Variants in NCK2 observed in about 807,000 individuals in gnomAD.
The protein encoded by NCK2 is NCK adaptor protein 2.
NCK2 carries 16 observed loss-of-function variants against 33.9 expected under a neutral mutation model. That is an observed-to-expected ratio of 0.47 (90% CI 0.32 to 0.72). NCK2 has a LOEUF of 0.72. Ranked by LOEUF, NCK2 falls within the 30% of genes least tolerant of loss-of-function variation. The probability of loss-of-function intolerance (pLI) is 0.03; values close to 1 mark genes in which losing one functional copy is unlikely to be tolerated. For synonymous variants in NCK2, 273 were observed against 239.9 expected (o/e 1.14, Z -1.27); for missense variants, 418 against 537.3 (o/e 0.78, Z 2.19).
chr2:105,885,386 A>G (rs1040466974), intron 4 of NCK2, among the ~76,000 whole-genome samples: 46 of 152,222 alleles, frequency 3.0e-4, no homozygotes, highest in African/African-American at 1.1e-3. Context: ...TTTAAAATAT[A>G]TGAAAAGTAT....
chr2:105,814,543 G>A (rs1191817454), intron 1 of NCK2, among the ~76,000 whole-genome samples: 1 of 152,138 alleles, frequency 6.6e-6, no homozygotes, highest in Non-Finnish European at 1.5e-5. Context: ...TCTTTTGCGG[G>A]GTCTGGTAGA....
At chr2:105,876,102 T>C (rs748832890) in intron 3 of NCK2, among the ~76,000 whole-genome samples, 7 of 152,168 alleles carry the variant, frequency 4.6e-5, no homozygotes, top group Non-Finnish European at 7.3e-5. Context: ...TGCCAGCCAT[T>C]GGAAGGGTTT....
chr2:105,807,665 G>GT (rs1278979047), intron 1 of NCK2, among the ~76,000 whole-genome samples: 2 of 150,928 alleles, frequency 1.3e-5, no homozygotes, highest in East Asian at 3.9e-4. Context: ...CAAGGTAGTT[G>GT]TTTTTTTCAA....
intron 4 of NCK2, among the ~76,000 whole-genome samples, chr2:105,888,717 A>T (rs1276742540): frequency 6.6e-6 from 1 of 152,190 alleles, no homozygotes; most frequent in East Asian, 1.9e-4. Context: ...CGAGATGGGC[A>T]TTGTGGCTGC....
At chr2:105,881,132 T>G (rs1014551954) in intron 3 of NCK2, among the ~76,000 whole-genome samples, 196 bp from the exon 4 acceptor site, 3 of 152,250 alleles carry the variant, frequency 2.0e-5, no homozygotes, top group Admixed American at 2.0e-4. Context: ...TTCTCAACTT[T>G]AAGTAACTTC....
At chr2:105,766,593 G>A (rs1217129107) in intron 1 of NCK2, among the ~76,000 whole-genome samples, 5 of 152,202 alleles carry the variant, frequency 3.3e-5, no homozygotes, top group African/African-American at 1.2e-4. Context: ...AAAATGTAGG[G>A]ATTACAGACT....
intron 1 of NCK2, among the ~76,000 whole-genome samples, chr2:105,774,229 G>A (rs1437734694): frequency 6.6e-6 from 1 of 151,872 alleles, no homozygotes; most frequent in African/African-American, 2.4e-5. Flanking sequence ...GGCTGGTCTC[G>A]AACTCCTGAC....
At chr2:105,841,604 A>G (rs1411481282) in intron 2 of NCK2, among the ~76,000 whole-genome samples, 1 of 152,172 alleles carries the variant, frequency 6.6e-6, no homozygotes, top group African/African-American at 2.4e-5. Context: ...ACTTGACCTC[A>G]GCCCCTCTCC....
intron 3 of NCK2, among the ~76,000 whole-genome samples, chr2:105,868,302 T>G (rs952522299): frequency 3.3e-5 from 5 of 152,178 alleles, no homozygotes; most frequent in Non-Finnish European, 7.3e-5. Context: ...GTTTGGGAAT[T>G]CACAGATTTT....
chr2:105,796,185 C>T (rs1488485206), intron 1 of NCK2, among the ~76,000 whole-genome samples: 5 of 152,196 alleles, frequency 3.3e-5, no homozygotes, highest in Non-Finnish European at 7.4e-5. Flanking sequence ...GTATTGGCCG[C>T]CCTCTGGGCA....
At chr2:105,850,894 C>T (rs1677039549) in intron 2 of NCK2, among the ~76,000 whole-genome samples, 1 of 152,174 alleles carries the variant, frequency 6.6e-6, no homozygotes, top group Admixed American at 6.5e-5. Flanking sequence ...CCATCCTGCA[C>T]CATAGCAAAT....
intron 2 of NCK2, among the ~76,000 whole-genome samples, chr2:105,853,616 C>T (rs1484371016): frequency 1.3e-5 from 2 of 152,040 alleles, no homozygotes; most frequent in Non-Finnish European, 2.9e-5. Flanking sequence ...TATGTCATAC[C>T]GTTTTAAAGA....
chr2:105,841,805 C>T (rs891162922), intron 2 of NCK2, among the ~76,000 whole-genome samples: 4 of 152,064 alleles, frequency 2.6e-5, no homozygotes, highest in African/African-American at 9.7e-5. Flanking sequence ...GTGTTTTATA[C>T]GGTATCATAG....
chr2:105,766,211 G>A (rs558330062), intron 1 of NCK2, among the ~76,000 whole-genome samples: 13 of 152,216 alleles, frequency 8.5e-5, no homozygotes, highest in Admixed American at 2.0e-4. Flanking sequence ...GCCCGGGAAT[G>A]TGGGGACTTC....
intron 1 of NCK2, among the ~76,000 whole-genome samples, chr2:105,774,286 G>A (rs565849840): frequency 6.6e-6 from 1 of 152,110 alleles, no homozygotes; most frequent in Admixed American, 6.5e-5. Context: ...TGGGATTACA[G>A]GTGTGAGCCA....
chr2:105,826,335 A>C (rs1424831823), intron 2 of NCK2, among the ~76,000 whole-genome samples: 1 of 152,130 alleles, frequency 6.6e-6, no homozygotes. Flanking sequence ...CCATTAACAC[A>C]TGGGGATTAT....
Position 105,881,419 on chromosome 2 carries a change from C to G in NCK2, c.318C>G (p.Ala106=), listed in dbSNP as rs1450419545. The change falls in exon 4 of 5, where the codon GCC becomes GCG. Residue 106 remains alanine (A), a synonymous_variant. Transcript: ENST00000233154. The stretch of plus-strand genomic sequence containing the variant: ...AGTACCCCGCCAATGGCAGCGGCGC[C>G]GACCGCATCTACGACCTCAACATCC... The part of the protein sequence containing the change: ...DAEYPANGSG[A]DRIYDLNIPA... 6 of 1,612,876 alleles carry G rather than the reference C, an allele frequency of 3.7e-6. No homozygotes were observed. The highest frequency in any genetic ancestry group is 5.1e-6 in the Non-Finnish European group (6 of 1,179,952).
At chr2:105,780,322 A>ATG (rs1690446615) in intron 1 of NCK2, among the ~76,000 whole-genome samples, 1 of 105,092 alleles carries the variant, frequency 9.5e-6, no homozygotes, top group Non-Finnish European at 1.7e-5. Context: ...GGAGAGAGAT[A>ATG]TATACACACA....
chr2:105,755,241 C>T (rs968167160), intron 1 of NCK2, among the ~76,000 whole-genome samples: 35 of 152,166 alleles, frequency 2.3e-4, no homozygotes, highest in African/African-American at 8.2e-4. Flanking sequence ...CAAGACCCAG[C>T]GGTAACTGTG....
Sources: allele counts gnomAD v4.1 joint callset (sites outside exome capture counted in the v4.1 genomes callset), GRCh38; gene constraint gnomAD v4.1.1; transcripts MANE v1.5; gene names NCBI Gene and HGNC (gene_info 2026-07-23, HGNC 2026-07-21).